The following PRICKLE2 variants were observed in gnomAD, a reference collection of about 807,000 sequenced individuals.
The protein encoded by PRICKLE2 is prickle-like protein 2.
A neutral mutation model predicts 81.4 loss-of-function variants in PRICKLE2; 21 were observed. The observed-to-expected ratio is 0.26, with a 90% CI of 0.18 to 0.37. PRICKLE2 has a LOEUF of 0.37. Ranked by LOEUF, PRICKLE2 falls within the 10% of genes least tolerant of loss-of-function variation. The pLI, the probability that PRICKLE2 is intolerant of heterozygous loss-of-function variation, is 1.00. For missense variants in PRICKLE2, 940 were observed against 1,109.0 expected (o/e 0.85, Z 2.16); for synonymous variants, 456 against 421.5 (o/e 1.08, Z -1.00).
At chr3:64,163,225 C>T in intron 2 of PRICKLE2, 96 bp from the exon 3 acceptor site, 1 of 807,616 alleles carries the variant, frequency 1.2e-6, no homozygotes, top group Non-Finnish European at 2.2e-6. Context: ...CAGGATGTAA[C>T]TGACTTCTGC....
At chr3:64,113,895 C>A (rs1427945125) in intron 7 of PRICKLE2, among the ~76,000 whole-genome samples, 1 of 152,196 alleles carries the variant, frequency 6.6e-6, no homozygotes, top group Non-Finnish European at 1.5e-5. Context: ...CAGCAGGGGC[C>A]CCCCACTCCA....
chr3:64,099,961 C>A lies in PRICKLE2; in HGVS notation c.1661-36G>T. Reference sequence around the variant, plus strand: ...GAGGAGGGGACCACAGAGATTAATACAGATGTGCAGCAATGGGTATCACTG... The same window carrying A: ...GAGGAGGGGACCACAGAGATTAATAAAGATGTGCAGCAATGGGTATCACTG... On this transcript the variant is annotated intron_variant, in intron 7 of 7. Coordinates refer to ENST00000638394, the MANE Select transcript of PRICKLE2 (RefSeq NM_198859.4). The surrounding 1 kb of genome is among the most constrained non-coding windows in gnomAD (Gnocchi z 4.3). 6.2e-7 allele frequency: 1 copy of A among 1,607,284 alleles called. No homozygotes were observed. The highest frequency in any genetic ancestry group is 8.5e-7 in the Non-Finnish European group (1 of 1,174,854).
chr3:64,203,157 A>G (rs1166622929), intron 1 of PRICKLE2, among the ~76,000 whole-genome samples: 2 of 152,186 alleles, frequency 1.3e-5, no homozygotes, highest in Non-Finnish European at 2.9e-5. Context: ...GCTTCTCATC[A>G]AATCAGAAAT....
At chr3:64,231,708 A>G (rs1248903770) in intron 2 of PRICKLE2, among the ~76,000 whole-genome samples, 2 of 152,206 alleles carry the variant, frequency 1.3e-5, no homozygotes, top group Non-Finnish European at 2.9e-5. Flanking sequence ...TTGTTTTTCT[A>G]AAGGAATGAG....
intron 2 of PRICKLE2, among the ~76,000 whole-genome samples, chr3:64,167,431 G>C (rs1489648670): frequency 6.6e-6 from 1 of 152,278 alleles, no homozygotes; most frequent in East Asian, 1.9e-4. Context: ...CTAAACAAAA[G>C]CATTTTGAAC....
chr3:64,098,660 T>C lies in PRICKLE2; in HGVS notation c.*391A>G, dbSNP rs987284117. The C allele has an allele frequency of 1.3e-5, 3 of 224,238 alleles. No individual in the cohort carries two copies. The highest frequency in any genetic ancestry group is 2.7e-5 in the Non-Finnish European group (3 of 111,494). The allele number at this position is 224,238 out of a possible 1,614,324, so 13.9% of individuals were successfully genotyped here. On this transcript the variant is annotated 3_prime_UTR_variant, in exon 8 of 8. Transcript: ENST00000638394. ...ATTTACAATGGACATGTAAATAACT[T>C]AGTCTTGGGTCCTGGCTAATAAACA...
chr3:64,190,017 GTC>G (rs917510699), intron 2 of PRICKLE2, among the ~76,000 whole-genome samples: 3 of 152,166 alleles, frequency 2.0e-5, no homozygotes, highest in African/African-American at 7.2e-5. Flanking sequence ...CTCCATTCGT[GTC>G]TCCCCAGTCT....
chr3:64,202,177 A>G (rs1180025554), intron 1 of PRICKLE2, among the ~76,000 whole-genome samples: 1 of 152,212 alleles, frequency 6.6e-6, no homozygotes, highest in Non-Finnish European at 1.5e-5. Context: ...ATATGAGTCA[A>G]GCAATTTTTG....
Position 64,163,050 on chromosome 3 carries a change from T to A in PRICKLE2, c.224A>T (p.Gln75Leu). The change falls in exon 3 of 8, where the codon CAG becomes CTG. Residue 75 changes from glutamine (Q) to leucine (L), a missense_variant. This residue lies in a region of PRICKLE2 where 270 missense variants were observed against 391.8 expected (regional missense o/e 0.69). Coordinates refer to ENST00000638394, the MANE Select transcript of PRICKLE2 (RefSeq NM_198859.4). ...ATGTGGCGGCAGCTGGTGTAGTAGC[T>A]GCTTGATTCGCAGTTTCTCTCCAGG... ...NSPGEKLRIK[Q>L]LLHQLPPHDN... 5 of 1,614,072 alleles carry A rather than the reference T, an allele frequency of 3.1e-6. No individual in the cohort carries two copies. The highest frequency in any genetic ancestry group is 4.2e-6 in the Non-Finnish European group (5 of 1,179,912).
intron 2 of PRICKLE2, 137 bp from the exon 3 acceptor site, chr3:64,163,266 G>T (rs772130291): frequency 6.9e-6 from 5 of 725,214 alleles, no homozygotes; most frequent in Non-Finnish European, 2.5e-6. Context: ...GTCAACAGCA[G>T]ATGAGTTTCC....
chr3:64,214,017 C>T (rs981206409), intron 1 of PRICKLE2, among the ~76,000 whole-genome samples: 1 of 152,140 alleles, frequency 6.6e-6, no homozygotes, highest in African/African-American at 2.4e-5. Context: ...TAAGTGGCTG[C>T]TTATTAATAA....
intron 2 of PRICKLE2, among the ~76,000 whole-genome samples, chr3:64,263,600 G>A (rs150498726): frequency 6.6e-6 from 1 of 152,316 alleles, no homozygotes; most frequent in East Asian, 1.9e-4. Flanking sequence ...CAGGCCTTGA[G>A]CATTAGGAAA....
intron 1 of PRICKLE2, chr3:64,201,096 A>C (rs2078568198): frequency 6.6e-6 from 1 of 150,838 alleles, no homozygotes; most frequent in African/African-American, 2.4e-5. Context: ...TGCCTAGCTA[A>C]TTTTTTGTAT....
Position 64,098,413 on chromosome 3 carries a change from G to A in PRICKLE2, c.*638C>T, listed in dbSNP as rs1030502011. ...AGTTATGTTTTTTCAGCCACAAAAAGCCAAATTGAATATGTTCCTTTGAAA... is the reference window on the plus strand; with the variant it reads ...AGTTATGTTTTTTCAGCCACAAAAAACCAAATTGAATATGTTCCTTTGAAA... On this transcript the variant is annotated 3_prime_UTR_variant, in exon 8 of 8. Transcript: ENST00000638394. 1.8e-4 allele frequency: 25 copies of A among 136,280 alleles called. No homozygotes were observed. Among genetic ancestry groups the A allele is most frequent in the Admixed American group, 1.6e-3 (20 of 12,234 alleles). The allele number at this position is 136,280 out of a possible 1,614,324, so 8.4% of individuals were successfully genotyped here.
At chr3:64,122,097 G>C (rs2077037185) in intron 7 of PRICKLE2, among the ~76,000 whole-genome samples, 1 of 152,184 alleles carries the variant, frequency 6.6e-6, no homozygotes, top group Non-Finnish European at 1.5e-5. Flanking sequence ...CATAAAGGGG[G>C]TAAAAGGGAG....
intron 2 of PRICKLE2, among the ~76,000 whole-genome samples, chr3:64,189,988 G>A (rs2078303010): frequency 6.6e-6 from 1 of 152,296 alleles, no homozygotes; most frequent in African/African-American, 2.4e-5. Flanking sequence ...GTCTTGGCAA[G>A]CACCGAGCAC....
intron 2 of PRICKLE2, among the ~76,000 whole-genome samples, chr3:64,181,915 G>A (rs1261102529): frequency 6.6e-6 from 1 of 152,150 alleles, no homozygotes; most frequent in African/African-American, 2.4e-5. Context: ...GGTAATCTAA[G>A]ATGTGGCATT....
At chr3:64,127,086 A>T (rs2077120881) in intron 7 of PRICKLE2, among the ~76,000 whole-genome samples, 1 of 152,222 alleles carries the variant, frequency 6.6e-6, no homozygotes, top group Non-Finnish European at 1.5e-5. Context: ...TCATTCCAGT[A>T]GGGCAGACAG....
At chr3:64,167,320 C>T (rs573554672) in intron 2 of PRICKLE2, among the ~76,000 whole-genome samples, 5 of 152,242 alleles carry the variant, frequency 3.3e-5, no homozygotes, top group East Asian at 3.9e-4. Flanking sequence ...TTCAAAAGCA[C>T]GTCTGTTGAA....
Sources: gnomAD v4.1 joint callset for allele counts (sites outside exome capture counted in the v4.1 genomes callset) on GRCh38, gnomAD v4.1.1 for gene constraint, gnomAD v4.1.1 regional missense constraint, Gnocchi (gnomAD v3.1) non-coding constraint, MANE v1.5 for transcripts, NCBI Gene and HGNC (gene_info 2026-07-23, HGNC 2026-07-21) for gene names.